The following PCDHA2 variants were observed in gnomAD, a reference collection of about 807,000 sequenced individuals.
The protein encoded by PCDHA2 is protocadherin alpha 2.
In PCDHA2, 58 loss-of-function variants were observed where a neutral mutation model predicts 66.0. The observed-to-expected ratio is 0.88, with a 90% CI of 0.71 to 1.09. The LOEUF (loss-of-function observed/expected upper bound fraction) is 1.09, where lower values mean the gene tolerates loss of function less well. Among genes scored for constraint, PCDHA2 ranks in the 50% least tolerant of loss-of-function variants. PCDHA2 has a pLI of 0.00. For missense variants in PCDHA2, 1,267 were observed against 1,242.3 expected, an observed-to-expected ratio of 1.02 and a Z score of -0.30; for synonymous variants, 634 against 554.0, an observed-to-expected ratio of 1.14 and a Z score of -2.03.
intron 1 of PCDHA2, among the ~76,000 whole-genome samples, chr5:140,833,300 C>T (rs1475529719): frequency 1.3e-5 from 2 of 152,266 alleles, no homozygotes; most frequent in Admixed American, 6.5e-5. Context: ...TGAATACAGA[C>T]ATAATTATTT....
At position 140,878,967 on chromosome 5, in the gene PCDHA2, C is replaced by T. The variant is rs562198206; in HGVS notation, c.2388+81615C>T. On this transcript the variant is annotated intron_variant, in intron 1 of 3. Coordinates refer to ENST00000526136, the MANE Select transcript of PCDHA2 (RefSeq NM_018905.3). ...ATGGTATTGAAATGTATTACCTGGA[C>T]ATTCCCCTCTATCTTAGAAATGAGA... Among the ~76,000 whole-genome samples, 52 of 152,298 alleles carry T rather than the reference C, an allele frequency of 3.4e-4. No individual in the cohort carries two copies. The South Asian group carries it at 0.01, about 30-fold the overall frequency.
chr5:140,808,363 C>A (rs1562215791), intron 1 of PCDHA2: 1 of 1,614,218 alleles, frequency 6.2e-7, no homozygotes, highest in Non-Finnish European at 8.5e-7. Flanking sequence ...TGACGTCCCA[C>A]GTCCCCTTCA....
At chr5:140,966,821 C>T (rs1554228738) in intron 1 of PCDHA2, 1 of 1,557,928 alleles carries the variant, frequency 6.4e-7, no homozygotes, top group Admixed American at 1.9e-5. Flanking sequence ...GCTCCGGCGG[C>T]CCATGCCCTG....
intron 1 of PCDHA2, chr5:140,967,059 C>A (rs2153750398): frequency 6.2e-7 from 1 of 1,612,750 alleles, no homozygotes; most frequent in Non-Finnish European, 8.5e-7. Context: ...ACGAGTGGAG[C>A]GCTCTTCGTC....
rs7702779 is a variant in PCDHA2, at chr5:140,808,438, C to T, written c.2388+11086C>T. 9.9e-3 allele frequency: 16,033 copies of T among 1,614,150 alleles called. 1,356 individuals are homozygous for T. In the African/African-American group the frequency reaches 0.19, roughly 19 times the overall value. ...TGGACAGTGCCCTGGACCGCGAGAG[C>T]GTGTCAGCCTATGAGCTGGTGGTGA... On this transcript the variant is annotated intron_variant, in intron 1 of 3. Transcript: ENST00000526136.
intron 1 of PCDHA2, among the ~76,000 whole-genome samples, chr5:140,926,161 A>C (rs1205520517): frequency 6.6e-6 from 1 of 151,712 alleles, no homozygotes. Flanking sequence ...GCTCTGCAGC[A>C]GGATCCAGCG....
chr5:140,859,378 T>G lies in PCDHA2; in HGVS notation c.2388+62026T>G. The G allele has an allele frequency of 7.4e-6, 2 of 268,578 alleles. 1 individual carries two copies. Among genetic ancestry groups the G allele is most frequent in the Non-Finnish European group, 1.3e-5 (2 of 148,378 alleles). The allele number at this position is 268,578 out of a possible 1,614,324, so 16.6% of individuals were successfully genotyped here. A position where few individuals can be genotyped will look rare whatever the true frequency, so the allele number is the denominator to read the frequency against. On this transcript the variant is annotated intron_variant, in intron 1 of 3. Transcript: ENST00000526136. ...CTGATATATTGTATAGTTTAATAGCTTCTCTAGTCATCTTAAACAGGGTTG... is the reference window on the plus strand; with the variant it reads ...CTGATATATTGTATAGTTTAATAGCGTCTCTAGTCATCTTAAACAGGGTTG...
intron 1 of PCDHA2, among the ~76,000 whole-genome samples, chr5:140,912,634 G>A (rs1435924500): frequency 6.6e-6 from 1 of 152,016 alleles, no homozygotes; most frequent in African/African-American, 2.4e-5. Context: ...GAGACTTTCA[G>A]TACTATGTTG....
At chr5:140,899,400 AG>A (rs1331352997) in intron 1 of PCDHA2, among the ~76,000 whole-genome samples, 2 of 152,132 alleles carry the variant, frequency 1.3e-5, no homozygotes, top group Non-Finnish European at 2.9e-5. Context: ...TTTAGCATGA[AG>A]GGTTGTTGAA....
chr5:140,882,265 T>C, intron 1 of PCDHA2: 1 of 1,609,948 alleles, frequency 6.2e-7, no homozygotes, highest in Non-Finnish European at 8.5e-7. Flanking sequence ...TTTTGGAGTG[T>C]ACCATGCTGT....
intron 1 of PCDHA2, chr5:140,849,515 T>C: frequency 6.3e-7 from 1 of 1,596,992 alleles, no homozygotes; most frequent in Non-Finnish European, 8.6e-7. Context: ...TTGTGGAAGT[T>C]GTGGATGTAA....
intron 1 of PCDHA2, chr5:140,801,558 G>T (rs782460705): frequency 6.2e-7 from 1 of 1,614,160 alleles, no homozygotes; most frequent in Non-Finnish European, 8.5e-7. Context: ...CCATGTGGAG[G>T]TGGAAGTGAA....
At chr5:140,830,050 C>T in intron 1 of PCDHA2, 1 of 1,613,786 alleles carries the variant, frequency 6.2e-7, no homozygotes, top group Non-Finnish European at 8.5e-7. Flanking sequence ...TGGTGAAAGA[C>T]CACGGTGAGC....
chr5:140,915,138 G>A (rs139042327), intron 1 of PCDHA2, among the ~76,000 whole-genome samples: 2,353 of 151,838 alleles, frequency 0.015, 60 homozygotes, highest in African/African-American at 0.053. Context: ...TAGTAGAGAC[G>A]GGGTTTCACC....
At chr5:140,893,229 G>A (rs922723551) in intron 1 of PCDHA2, among the ~76,000 whole-genome samples, 3 of 152,212 alleles carry the variant, frequency 2.0e-5, no homozygotes, top group Non-Finnish European at 4.4e-5. Context: ...GTATCACTTT[G>A]ACATACTGGT....
chr5:140,968,185 C>T (rs1554230464), intron 1 of PCDHA2: 1 of 1,614,034 alleles, frequency 6.2e-7, no homozygotes, highest in East Asian at 2.2e-5. Context: ...TGGAGGACTC[C>T]TATTCCATCT....
chr5:140,967,737 A>G, intron 1 of PCDHA2: 1 of 1,614,170 alleles, frequency 6.2e-7, no homozygotes, highest in Non-Finnish European at 8.5e-7. Flanking sequence ...GGGGGGCTGG[A>G]TTATGAGGAA....
Position 141,011,486 on chromosome 5 carries a change from T to C in PCDHA2, c.*1549T>C, listed in dbSNP as rs887081256. ...GAATGTAATTCCATTATATTTCCTT[T>C]TGTACACCTGTGAAAAAGTGGAGTA... is the stretch of plus-strand genomic sequence containing the variant. On this transcript the variant is annotated 3_prime_UTR_variant, in exon 4 of 4. Coordinates refer to ENST00000526136, the MANE Select transcript of PCDHA2 (RefSeq NM_018905.3). 15 of 153,928 alleles carry C rather than the reference T, an allele frequency of 9.7e-5. No homozygotes were observed. Among genetic ancestry groups the C allele is most frequent in the African/African-American group, 2.9e-4 (12 of 41,596 alleles). The allele number at this position is 153,928 out of a possible 1,614,324, so 9.5% of individuals were successfully genotyped here.
intron 1 of PCDHA2, among the ~76,000 whole-genome samples, chr5:140,951,082 C>CT (rs573059224): frequency 1.2e-3 from 178 of 151,520 alleles, no homozygotes; most frequent in African/African-American, 4.1e-3. Context: ...TTATATTTTC[C>CT]TTTTTTTCTG....
Sources: gnomAD v4.1 joint callset for allele counts (sites outside exome capture counted in the v4.1 genomes callset) on GRCh38, gnomAD v4.1.1 for gene constraint, MANE v1.5 for transcripts, NCBI Gene and HGNC (gene_info 2026-07-23, HGNC 2026-07-21) for gene names.